Variants in ATXN7L1 observed in about 807,000 individuals in gnomAD.
ATXN7L1 encodes the protein ataxin 7 like 1, also known as ataxin-7-like protein 1.
Under a neutral mutation model 70.8 loss-of-function variants are expected in ATXN7L1, and 15 were observed. That is an observed-to-expected ratio of 0.21 (90% CI 0.14 to 0.33). ATXN7L1 has a LOEUF of 0.33. Among genes scored for constraint, ATXN7L1 ranks in the 10% least tolerant of loss-of-function variants. ATXN7L1 has a pLI of 1.00. For missense variants in ATXN7L1, 975 were observed against 1,097.1 expected (o/e 0.89, Z 1.57); for synonymous variants, 440 against 445.1 (o/e 0.99, Z 0.14).
intron 3 of ATXN7L1, among the ~76,000 whole-genome samples, chr7:105,692,370 T>TTTCGTTCC (rs1791007683): frequency 2.1e-5 from 2 of 94,510 alleles, no homozygotes; most frequent in Non-Finnish European, 4.2e-5. Flanking sequence ...AATTTCTTTC[T>TTTCGTTCC]TTCCTTCCTT....
intron 3 of ATXN7L1, among the ~76,000 whole-genome samples, chr7:105,676,699 G>A (rs577657281): frequency 3.2e-4 from 48 of 152,168 alleles, no homozygotes; most frequent in Middle Eastern, 3.4e-3. Flanking sequence ...AATTAGCCAG[G>A]TGTGGTGGCA....
chr7:105,788,507 CA>C, intron 3 of ATXN7L1, 96 bp downstream of exon 3: 1 of 1,005,696 alleles, frequency 9.9e-7, no homozygotes, highest in South Asian at 1.3e-5. Flanking sequence ...CAGGCTGAGA[CA>C]AGACATGGCG....
Position 105,637,336 on chromosome 7 carries a change from G to A in ATXN7L1, c.1202+1017C>T, listed in dbSNP as rs563499613. ...AATCAACTCCCTCCCCTTCTTTTAC[G>A]ACTATGTCCTCTTAAAGCCTATTTG... On this transcript the variant is annotated intron_variant, in intron 7 of 11. Coordinates refer to ENST00000419735, the MANE Select transcript of ATXN7L1 (RefSeq NM_020725.2). Among the ~76,000 whole-genome samples, 7 of 152,238 alleles carry A rather than the reference G, an allele frequency of 4.6e-5. No individual in the cohort carries two copies. The East Asian group carries it at 5.8e-4, about 13-fold the overall frequency.
intron 2 of ATXN7L1, among the ~76,000 whole-genome samples, chr7:105,866,301 C>T (rs1230897625): frequency 6.6e-6 from 1 of 152,182 alleles, no homozygotes; most frequent in Non-Finnish European, 1.5e-5. Context: ...TTATGGTGAC[C>T]TGGTGCCACT....
chr7:105,847,482 C>T (rs1001356618), intron 2 of ATXN7L1, among the ~76,000 whole-genome samples: 2 of 152,190 alleles, frequency 1.3e-5, no homozygotes, highest in African/African-American at 4.8e-5. Context: ...TGTACAGCAG[C>T]AAGGGCAGGT....
At chr7:105,692,432 C>CCTTCCTTCCTTCCTT (rs1466998072) in intron 3 of ATXN7L1, among the ~76,000 whole-genome samples, 2 of 96,126 alleles carry the variant, frequency 2.1e-5, no homozygotes, top group African/African-American at 8.7e-5. Context: ...CTTCCTCCCT[C>CCTTCCTTCCTTCCTT]CCTCCCTCCC....
chr7:105,783,898 G>A (rs1429062745), intron 3 of ATXN7L1, among the ~76,000 whole-genome samples: 1 of 152,126 alleles, frequency 6.6e-6, no homozygotes, highest in African/African-American at 2.4e-5. Flanking sequence ...CTGAAGTGGG[G>A]ACACAGTTTT....
intron 3 of ATXN7L1, among the ~76,000 whole-genome samples, chr7:105,729,989 G>A (rs1285022473): frequency 3.3e-5 from 5 of 151,984 alleles, no homozygotes; most frequent in South Asian, 2.1e-4. Flanking sequence ...CGCCCGTCTC[G>A]GCCTCCCAAA....
intron 4 of ATXN7L1, among the ~76,000 whole-genome samples, chr7:105,657,252 G>A (rs1800803437): frequency 6.6e-6 from 1 of 152,124 alleles, no homozygotes; most frequent in African/African-American, 2.4e-5. Context: ...GAAAGGAGTT[G>A]GAATTTAGCA....
At chr7:105,837,058 C>T (rs765180007) in intron 2 of ATXN7L1, among the ~76,000 whole-genome samples, 4 of 152,052 alleles carry the variant, frequency 2.6e-5, no homozygotes, top group Admixed American at 6.6e-5. Flanking sequence ...TGGTGGAAGA[C>T]GAAGCGCGAG....
In ATXN7L1 at chr7:105,733,564, AT is replaced by A. The variant is rs1796881740; in HGVS notation, c.355+55039del. Among the ~76,000 whole-genome samples the A allele has an allele frequency of 1.4e-4, 7 of 51,146 alleles. 1 individual carries two copies. Among genetic ancestry groups the A allele is most frequent in the East Asian group, 6.5e-4 (1 of 1,534 alleles). 33.6% of individuals were successfully genotyped at this position (51,146 alleles called of 152,430 possible). A position where few individuals can be genotyped will look rare whatever the true frequency, so the allele number is the denominator to read the frequency against. On this transcript the variant is annotated intron_variant, in intron 3 of 11. Transcript: ENST00000419735. ...CACCCATCCATCCATCCACCCATCC[AT>A]CCTTCCATCCATCCACCCATCCATC...
chr7:105,788,476 G>T, intron 3 of ATXN7L1, 128 bp downstream of exon 3: 1 of 746,404 alleles, frequency 1.3e-6, no homozygotes, highest in Non-Finnish European at 2.3e-6. Context: ...CAGCAGCCCA[G>T]GAAGACTTTA....
At chr7:105,677,401 G>C (rs554136389) in intron 3 of ATXN7L1, among the ~76,000 whole-genome samples, 2 of 152,288 alleles carry the variant, frequency 1.3e-5, no homozygotes, top group Admixed American at 6.5e-5. Flanking sequence ...ACAGGTGCTC[G>C]AGTACACTGA....
At position 105,678,887 on chromosome 7, in the gene ATXN7L1, T is replaced by A. The variant is rs1201976690; in HGVS notation, c.356-13599A>T. The stretch of plus-strand genomic sequence containing the variant: ...CTCCCCGCCTCAGCCCTGTCTCGGC[T>A]CCAGCTCCAGCCCACAGCCGGAGAG... On this transcript the variant is annotated intron_variant, in intron 3 of 11. Transcript: ENST00000419735. 3.9e-5 allele frequency among the ~76,000 whole-genome samples: 6 copies of A among 152,286 alleles called. No individual in the cohort carries two copies. The East Asian group carries it at 1.2e-3, about 29-fold the overall frequency.
intron 4 of ATXN7L1, among the ~76,000 whole-genome samples, chr7:105,661,053 C>CA (rs1466093554): frequency 1.3e-5 from 2 of 152,192 alleles, no homozygotes; most frequent in Non-Finnish European, 2.9e-5. Flanking sequence ...CCCAGGGCTG[C>CA]AGTGTACAGT....
chr7:105,812,070 C>G (rs1166780387), intron 2 of ATXN7L1, among the ~76,000 whole-genome samples: 3 of 152,052 alleles, frequency 2.0e-5, no homozygotes, highest in Non-Finnish European at 4.4e-5. Context: ...ACCCCAGGCA[C>G]AGGGAGGCAC....
chr7:105,727,760 A>AT (rs1563042359), intron 3 of ATXN7L1, among the ~76,000 whole-genome samples: 14 of 90,400 alleles, frequency 1.5e-4, no homozygotes, highest in Non-Finnish European at 2.6e-4. Context: ...ATATATATAT[A>AT]TATATATATA....
At chr7:105,728,181 G>A (rs1325499183) in intron 3 of ATXN7L1, among the ~76,000 whole-genome samples, 2 of 152,086 alleles carry the variant, frequency 1.3e-5, no homozygotes, top group South Asian at 2.1e-4. Flanking sequence ...TATTACAAAC[G>A]TGTAAAAAAA....
At chr7:105,828,010 A>G (rs578185228) in intron 2 of ATXN7L1, among the ~76,000 whole-genome samples, 22 of 152,086 alleles carry the variant, frequency 1.4e-4, no homozygotes, top group African/African-American at 5.3e-4. Context: ...GGGAAAAAAA[A>G]CAACTTTGTT....
Sources: gnomAD v4.1 joint callset for allele counts (sites outside exome capture counted in the v4.1 genomes callset) on GRCh38, gnomAD v4.1.1 for gene constraint, MANE v1.5 for transcripts, NCBI Gene and HGNC (gene_info 2026-07-23, HGNC 2026-07-21) for gene names.